HNF4G: variants seen among roughly 807,000 people sequenced by gnomAD.
HNF4G encodes the protein hepatocyte nuclear factor 4 gamma.
In HNF4G, 21 loss-of-function variants were observed where a neutral mutation model predicts 50.9. That is an observed-to-expected ratio of 0.41 (90% confidence interval 0.29 to 0.59). The LOEUF is 0.59. Ranked by LOEUF, HNF4G falls within the 20% of genes least tolerant of loss-of-function variation. HNF4G has a pLI of 0.26. For synonymous variants in HNF4G, 198 were observed against 185.6 expected (o/e 1.07, Z -0.54); for missense variants, 527 against 559.4 (o/e 0.94, Z 0.58).
chr8:75,468,521 C>T (rs997311755), intron 1 of HNF4G, among the ~76,000 whole-genome samples: 1 of 152,036 alleles, frequency 6.6e-6, no homozygotes, highest in Non-Finnish European at 1.5e-5. Context: ...TGTTGAAACC[C>T]CGTCTCTACT....
chr8:75,443,165 C>A (rs371752525), intron 1 of HNF4G, among the ~76,000 whole-genome samples: 1 of 152,112 alleles, frequency 6.6e-6, no homozygotes, highest in Non-Finnish European at 1.5e-5. Flanking sequence ...CATTATGAAC[C>A]TAGACTGGGC....
intron 2 of HNF4G, among the ~76,000 whole-genome samples, chr8:75,509,557 T>A (rs910797293): frequency 2.0e-5 from 3 of 152,210 alleles, no homozygotes; most frequent in South Asian, 2.1e-4. Context: ...ATAAGGCTCA[T>A]CAATGGAACT....
intron 1 of HNF4G, among the ~76,000 whole-genome samples, chr8:75,440,516 A>G (rs963418410): frequency 2.0e-5 from 3 of 152,236 alleles, no homozygotes; most frequent in African/African-American, 7.2e-5. Context: ...ATTGCCAGCA[A>G]TTATGGCTAA....
At chr8:75,455,107 A>G (rs927596493) in intron 1 of HNF4G, among the ~76,000 whole-genome samples, 5 of 152,184 alleles carry the variant, frequency 3.3e-5, no homozygotes, top group African/African-American at 1.2e-4. Context: ...CTCATCAAAA[A>G]TCAAACAAAT....
chr8:75,409,477 G>GTTT (rs1810443576), intron 1 of HNF4G, among the ~76,000 whole-genome samples: 6 of 84,914 alleles, frequency 7.1e-5, no homozygotes, highest in African/African-American at 2.0e-4. Flanking sequence ...TGAGTGCCTT[G>GTTT]TTCTTTTTTT....
intron 1 of HNF4G, among the ~76,000 whole-genome samples, chr8:75,451,842 T>C (rs1010224394): frequency 3.3e-5 from 5 of 152,220 alleles, no homozygotes; most frequent in African/African-American, 1.2e-4. Flanking sequence ...GGTAGTTTTA[T>C]GGCTTTTGCT....
intron 2 of HNF4G, among the ~76,000 whole-genome samples, chr8:75,526,706 T>G (rs113422825): frequency 1.5e-5 from 2 of 131,252 alleles, no homozygotes. Context: ...CTAATTAAAA[T>G]TTTTTTTTTT....
At chr8:75,459,760 G>A (rs191284584) in intron 1 of HNF4G, among the ~76,000 whole-genome samples, 95 of 152,122 alleles carry the variant, frequency 6.2e-4, no homozygotes, top group Admixed American at 1.2e-3. Context: ...CAGATGATCT[G>A]GTGGCAGCAT....
chr8:75,439,948 T>C (rs530122292), intron 1 of HNF4G, among the ~76,000 whole-genome samples: 1 of 152,248 alleles, frequency 6.6e-6, no homozygotes, highest in East Asian at 1.9e-4. Context: ...CTTAAATTTT[T>C]TTTTTCTTTC....
chr8:75,494,300 GCACACACA>G (rs755362411), intron 2 of HNF4G, among the ~76,000 whole-genome samples: 150 of 77,290 alleles, frequency 1.9e-3, no homozygotes, highest in Middle Eastern at 0.01. Context: ...CTCCCATACA[GCACACACA>G]CACACACACA....
chr8:75,534,997 C>T (rs567391145), upstream of HNF4G, among the ~76,000 whole-genome samples: 42 of 151,662 alleles, frequency 2.8e-4, no homozygotes, highest in African/African-American at 8.4e-4. Flanking sequence ...ATAATAACTT[C>T]GGTTTAAATG....
chr8:75,556,572 G>A (rs536477582), intron 6 of HNF4G, among the ~76,000 whole-genome samples: 1 of 152,104 alleles, frequency 6.6e-6, no homozygotes, highest in Non-Finnish European at 1.5e-5. Flanking sequence ...TGCTAGAAGA[G>A]GCTAAGGAAG....
At chr8:75,544,624 G>C (rs1009949726) in intron 2 of HNF4G, among the ~76,000 whole-genome samples, 1 of 143,450 alleles carries the variant, frequency 7.0e-6, no homozygotes, top group African/African-American at 2.6e-5. Flanking sequence ...TATTTGTCAC[G>C]CATTTCCAGT....
intron 1 of HNF4G, among the ~76,000 whole-genome samples, chr8:75,457,462 G>A (rs945633052): frequency 6.6e-6 from 1 of 152,096 alleles, no homozygotes; most frequent in Admixed American, 6.6e-5. Flanking sequence ...TTTTAACACT[G>A]TTATTTAACT....
chr8:75,420,136 C>T (rs554337383), intron 1 of HNF4G, among the ~76,000 whole-genome samples: 2 of 152,148 alleles, frequency 1.3e-5, no homozygotes, highest in East Asian at 3.9e-4. Flanking sequence ...CTTCTCCTTA[C>T]ACATCTTATC....
chr8:75,524,251 C>T (rs1040958759), intron 2 of HNF4G, among the ~76,000 whole-genome samples: 51 of 152,084 alleles, frequency 3.4e-4, no homozygotes, highest in African/African-American at 1.2e-3. Flanking sequence ...TTATCAGGTA[C>T]CATAAGATAT....
At chr8:75,494,254 T>C (rs1812705129) in intron 2 of HNF4G, among the ~76,000 whole-genome samples, 1 of 150,550 alleles carries the variant, frequency 6.6e-6, no homozygotes, top group Non-Finnish European at 1.5e-5. Flanking sequence ...AGACAAAGTG[T>C]TATTTTTACA....
intron 1 of HNF4G, among the ~76,000 whole-genome samples, chr8:75,449,535 C>T (rs911590676): frequency 8.0e-6 from 1 of 124,748 alleles, no homozygotes; most frequent in Non-Finnish European, 1.6e-5. Context: ...GAGACGGAGT[C>T]TCACTCTGTC....
Position 75,440,637 on chromosome 8 carries a change from GACCAAAATTA to G in HNF4G, c.-144+32477_-144+32486del, listed in dbSNP as rs1361804326. Among the ~76,000 whole-genome samples, 4 of 151,844 alleles carry G rather than the reference GACCAAAATTA, an allele frequency of 2.6e-5. No homozygotes were observed. The East Asian group carries it at 7.7e-4, about 29-fold the overall frequency. On this transcript the variant is annotated intron_variant, in intron 1 of 10. Transcript: ENST00000354370. Reference sequence around the variant, plus strand: ...ATTCTGAAAAGGTATACCTTGTCCTGACCAAAATTAAAGGAAAAAAGGTGAAGCTTATACT... The same window carrying G: ...ATTCTGAAAAGGTATACCTTGTCCTGAAGGAAAAAAGGTGAAGCTTATACT...
Sources: gnomAD v4.1 joint callset for allele counts (sites outside exome capture counted in the v4.1 genomes callset) on GRCh38, gnomAD v4.1.1 for gene constraint, MANE v1.5 for transcripts, NCBI Gene and HGNC (gene_info 2026-07-23, HGNC 2026-07-21) for gene names.